The following RYR3 variants were observed in gnomAD, a reference collection of about 807,000 sequenced individuals.
The protein encoded by RYR3 is brain ryanodine receptor-calcium release channel.
RYR3 carries 207 observed loss-of-function variants against 584.3 expected under a neutral mutation model. The observed-to-expected ratio is 0.35, with a 90% CI of 0.32 to 0.40. RYR3 has a LOEUF of 0.40. Ranked by LOEUF, RYR3 falls within the 10% of genes least tolerant of loss-of-function variation. The pLI is 1.00. For missense variants in RYR3, 5,616 were observed against 6,089.2 expected (o/e 0.92, Z 2.59); for synonymous variants, 2,416 against 2,248.5 (o/e 1.07, Z -2.11).
At chr15:33,743,010 A>G (rs933461560) in intron 52 of RYR3, among the ~76,000 whole-genome samples, 14 of 152,108 alleles carry the variant, frequency 9.2e-5, no homozygotes, top group African/African-American at 2.7e-4. Context: ...TGCTGTGTCA[A>G]CCCTTTAACA....
chr15:33,862,876 C>T (rs1888909506), intron 102 of RYR3, among the ~76,000 whole-genome samples: 1 of 152,208 alleles, frequency 6.6e-6, no homozygotes. Flanking sequence ...CTCAGCCTCC[C>T]AAAGTGCTGG....
Position 33,629,507 on chromosome 15 carries a change from C to A in RYR3, c.2680-433C>A, listed in dbSNP as rs556653115. On this transcript the variant is annotated intron_variant, in intron 21 of 103. Coordinates refer to ENST00000634891, the MANE Select transcript of RYR3 (RefSeq NM_001036.6). ...TCTTTTTGATTTTCTAATGTGGCTA[C>A]TAGAAAATTTGAAATTACAAATGTG... Among the ~76,000 whole-genome samples the A allele has an allele frequency of 1.6e-4, 25 of 152,318 alleles. No individual in the cohort carries two copies. In the East Asian group the frequency reaches 4.4e-3, roughly 27 times the overall value.
chr15:33,865,063 A>AAAAACAAACTGGGTTTT (rs1388887802), intron 103 of RYR3, 68 bp from the exon 104 acceptor site: 6 of 1,298,626 alleles, frequency 4.6e-6, no homozygotes, highest in African/African-American at 1.5e-5. Flanking sequence ...CACAAAGAAC[A>AAAAACAAACTGGGTTTT]AAAACAAACT....
chr15:33,487,673 A>T (rs2050576470), intron 2 of RYR3, among the ~76,000 whole-genome samples: 1 of 152,186 alleles, frequency 6.6e-6, no homozygotes, highest in African/African-American at 2.4e-5. Context: ...TTGAGAAACT[A>T]GCCTACATCA....
At chr15:33,372,786 G>A (rs1203178020) in intron 1 of RYR3, among the ~76,000 whole-genome samples, 1 of 152,218 alleles carries the variant, frequency 6.6e-6, no homozygotes, top group Non-Finnish European at 1.5e-5. Context: ...GATTATAGGC[G>A]TGAGCCATAG....
intron 3 of RYR3, among the ~76,000 whole-genome samples, chr15:33,514,782 A>C (rs987719495): frequency 3.3e-5 from 5 of 152,166 alleles, no homozygotes; most frequent in Admixed American, 6.5e-5. Flanking sequence ...TAGGCAGATC[A>C]CGAGGTCAGG....
At chr15:33,578,773 A>AC in intron 12 of RYR3, among the ~76,000 whole-genome samples, 1 of 43,586 alleles carries the variant, frequency 2.3e-5, no homozygotes, top group Non-Finnish European at 5.4e-5. Flanking sequence ...AATAAAAAAA[A>AC]AAAAACAACA....
At chr15:33,312,248 G>A (rs1030879518) in intron 1 of RYR3, among the ~76,000 whole-genome samples, 1 of 151,978 alleles carries the variant, frequency 6.6e-6, no homozygotes, top group African/African-American at 2.4e-5. Context: ...CCTGGTCTTC[G>A]AAGATCACAA....
intron 12 of RYR3, among the ~76,000 whole-genome samples, chr15:33,578,219 G>A (rs1278011631): frequency 1.3e-5 from 2 of 152,068 alleles, no homozygotes; most frequent in Non-Finnish European, 2.9e-5. Flanking sequence ...AATACCTAGA[G>A]CCAGAAATAC....
At chr15:33,417,693 T>G (rs2043918079) in intron 1 of RYR3, among the ~76,000 whole-genome samples, 1 of 152,156 alleles carries the variant, frequency 6.6e-6, no homozygotes, top group South Asian at 2.1e-4. Context: ...CTTGACTGAT[T>G]GCTCTGGCTA....
At chr15:33,817,011 C>A (rs775415361) in intron 75 of RYR3, 53 bp downstream of exon 75, 1 of 1,086,620 alleles carries the variant, frequency 9.2e-7, no homozygotes, top group Non-Finnish European at 1.4e-6. Flanking sequence ...ATTTGATTTT[C>A]GAATTCATGT....
At chr15:33,493,103 A>ACATTAGC in intron 2 of RYR3, among the ~76,000 whole-genome samples, 1 of 151,998 alleles carries the variant, frequency 6.6e-6, no homozygotes, top group Admixed American at 6.5e-5. Context: ...AAAAACCTGA[A>ACATTAGC]CATTAGCTCG....
chr15:33,829,274 G>C (rs1457430827), intron 85 of RYR3, among the ~76,000 whole-genome samples: 3 of 152,026 alleles, frequency 2.0e-5, no homozygotes, highest in Non-Finnish European at 4.4e-5. Flanking sequence ...TTTCATGCCT[G>C]CTAATACAAG....
chr15:33,809,663 T>A (rs1458505375), intron 70 of RYR3, among the ~76,000 whole-genome samples: 2 of 150,826 alleles, frequency 1.3e-5, no homozygotes, highest in African/African-American at 2.4e-5. Flanking sequence ...TGAGGCCGAG[T>A]CTTGCTCTGT....
At chr15:33,322,228 A>C (rs927979008) in intron 1 of RYR3, among the ~76,000 whole-genome samples, 1 of 152,230 alleles carries the variant, frequency 6.6e-6, no homozygotes, top group Non-Finnish European at 1.5e-5. Flanking sequence ...TAATTGGCAC[A>C]TGGCTCTGCG....
In RYR3 at chr15:33,746,710, C is replaced by T. The variant is rs1037275668; in HGVS notation, c.7989+553C>T. Among the ~76,000 whole-genome samples the T allele has an allele frequency of 4.6e-5, 7 of 151,586 alleles. No homozygotes were observed. In the South Asian group the frequency reaches 8.3e-4, roughly 18 times the overall value. On this transcript the variant is annotated intron_variant, in intron 53 of 103. Coordinates refer to ENST00000634891, the MANE Select transcript of RYR3 (RefSeq NM_001036.6). The stretch of plus-strand genomic sequence containing the variant: ...CAGAGGTTGCAGTGAGCCAAGATCA[C>T]GCCACTGCACTCCAGCCTGGTGACA...
At chr15:33,700,582 T>C (rs2066225921) in intron 41 of RYR3, among the ~76,000 whole-genome samples, 1 of 152,132 alleles carries the variant, frequency 6.6e-6, no homozygotes, top group Non-Finnish European at 1.5e-5. Context: ...CTGGTGAAAC[T>C]ATATGAGCTA....
At chr15:33,795,912 A>G (rs940377330) in intron 67 of RYR3, among the ~76,000 whole-genome samples, 5 of 152,116 alleles carry the variant, frequency 3.3e-5, no homozygotes, top group African/African-American at 1.2e-4. Flanking sequence ...CTTAGCATTG[A>G]ACTTTAAATA....
chr15:33,598,768 A>G (rs1255778302), intron 16 of RYR3, among the ~76,000 whole-genome samples: 1 of 149,818 alleles, frequency 6.7e-6, no homozygotes, highest in Non-Finnish European at 1.5e-5. Context: ...AAAAAATAGG[A>G]GTTGGCTGGG....
Sources: gnomAD v4.1 joint callset for allele counts (sites outside exome capture counted in the v4.1 genomes callset) on GRCh38, gnomAD v4.1.1 for gene constraint, MANE v1.5 for transcripts, NCBI Gene and HGNC (gene_info 2026-07-23, HGNC 2026-07-21) for gene names.